The following FOLH1 variants were observed in gnomAD, a reference collection of about 807,000 sequenced individuals.
The protein encoded by FOLH1 is folate hydrolase 1.
A neutral mutation model predicts 93.9 loss-of-function variants in FOLH1; 54 were observed. The ratio of observed to expected loss-of-function variants is 0.57; its 90% confidence interval spans 0.46 to 0.72. The LOEUF (loss-of-function observed/expected upper bound fraction) is 0.72. FOLH1 is among the 30% of genes least tolerant of loss of function. The probability of loss-of-function intolerance (pLI) is 0.00; values close to 1 mark genes in which losing one functional copy is unlikely to be tolerated. For synonymous variants in FOLH1, 249 were observed against 303.6 expected (o/e 0.82, Z 1.87); for missense variants, 571 against 892.5 (o/e 0.64, Z 4.59).
At chr11:49,202,641 C>G (rs1371638538) in intron 2 of FOLH1, among the ~76,000 whole-genome samples, 1 of 152,178 alleles carries the variant, frequency 6.6e-6, no homozygotes, top group Non-Finnish European at 1.5e-5. Context: ...CCACTATGCC[C>G]GAATACATTA....
rs754980946 is a variant in FOLH1, at chr11:49,192,899, A to G, written c.412-5T>C. ...AAATAATGATGTGTTGAAAATCTAG[A>G]GAAACAAAATATTATAATCAAAATA... On this transcript the variant is annotated splice_polypyrimidine_tract_variant and splice_region_variant and intron_variant, in intron 3 of 18. Transcript: ENST00000256999. 68 of 1,571,612 alleles carry G rather than the reference A, an allele frequency of 4.3e-5. 1 individual carries two copies. Among genetic ancestry groups the G allele is most frequent in the Middle Eastern group, 3.4e-4 (2 of 5,868 alleles).
At chr11:49,197,596 T>C (rs949107306) in intron 3 of FOLH1, among the ~76,000 whole-genome samples, 4 of 152,182 alleles carry the variant, frequency 2.6e-5, no homozygotes, top group African/African-American at 9.6e-5. Context: ...ACTAATCATA[T>C]TTGTTGCCTA....
chr11:49,179,533 C>T (rs1230228777), intron 7 of FOLH1, among the ~76,000 whole-genome samples: 2 of 151,982 alleles, frequency 1.3e-5, no homozygotes, highest in Non-Finnish European at 2.9e-5. Flanking sequence ...CTTGCAAATA[C>T]AATTTAAAAA....
At chr11:49,179,653 T>C (rs1311096334) in intron 7 of FOLH1, among the ~76,000 whole-genome samples, 2 of 151,592 alleles carry the variant, frequency 1.3e-5, no homozygotes, top group Non-Finnish European at 2.9e-5. Flanking sequence ...ATAGAAAGAA[T>C]CTCAAATCAT....
intron 3 of FOLH1, among the ~76,000 whole-genome samples, chr11:49,196,241 A>G (rs1233402435): frequency 1.3e-5 from 2 of 152,218 alleles, no homozygotes; most frequent in East Asian, 1.9e-4. Context: ...TAAAATTATC[A>G]TATGACAAAC....
chr11:49,187,924 C>T (rs1193055606), intron 4 of FOLH1, among the ~76,000 whole-genome samples: 1 of 152,176 alleles, frequency 6.6e-6, no homozygotes, highest in Non-Finnish European at 1.5e-5. Flanking sequence ...GAAACTATTC[C>T]AGACCTCCTT....
At chr11:49,156,572 GT>G (rs1857061415) in intron 15 of FOLH1, 144 bp downstream of exon 15, 1 of 970,480 alleles carries the variant, frequency 1.0e-6, no homozygotes, top group African/African-American at 1.6e-5. Flanking sequence ...CTACGTAGTA[GT>G]GATACTGTCA....
At chr11:49,148,285 A>T (rs1352515427) in intron 18 of FOLH1, among the ~76,000 whole-genome samples, 1 of 151,214 alleles carries the variant, frequency 6.6e-6, no homozygotes, top group Non-Finnish European at 1.5e-5. Context: ...AAATATATTT[A>T]AAATAGAAAA....
intron 7 of FOLH1, among the ~76,000 whole-genome samples, chr11:49,181,543 ATCACT>A (rs1272466135): frequency 3.9e-5 from 6 of 152,166 alleles, no homozygotes; most frequent in South Asian, 2.1e-4. Context: ...ATATCTTTTA[ATCACT>A]TCATTTACTA....
At chr11:49,147,543 T>A (rs899003703) in intron 18 of FOLH1, among the ~76,000 whole-genome samples, 1 of 152,074 alleles carries the variant, frequency 6.6e-6, no homozygotes, top group East Asian at 1.9e-4. Context: ...TAATGTTCCA[T>A]GTGACCAAGG....
intron 13 of FOLH1, among the ~76,000 whole-genome samples, chr11:49,159,842 T>C (rs1857478215): frequency 6.6e-6 from 1 of 152,180 alleles, no homozygotes; most frequent in South Asian, 2.1e-4. Flanking sequence ...TCAATTTCTT[T>C]CTGGTTCAGC....
intron 3 of FOLH1, among the ~76,000 whole-genome samples, chr11:49,197,992 T>TA (rs1357357031): frequency 2.6e-5 from 4 of 152,002 alleles, no homozygotes; most frequent in Non-Finnish European, 5.9e-5. Context: ...GATATAAATT[T>TA]AAAAAATTAA....
At chr11:49,149,993 T>C (rs1856302905) in intron 17 of FOLH1, among the ~76,000 whole-genome samples, 1 of 152,196 alleles carries the variant, frequency 6.6e-6, no homozygotes, top group Non-Finnish European at 1.5e-5. Context: ...TCTTGCTCTG[T>C]TGCGCAGGCT....
At chr11:49,203,147 A>G (rs1342502236) in intron 2 of FOLH1, among the ~76,000 whole-genome samples, 1 of 151,896 alleles carries the variant, frequency 6.6e-6, no homozygotes, top group Non-Finnish European at 1.5e-5. Context: ...ATTCAAATAC[A>G]GACCTATGTA....
chr11:49,206,629 A>G (rs1863999608), intron 1 of FOLH1: 1 of 650,470 alleles, frequency 1.5e-6, no homozygotes, highest in Non-Finnish European at 2.5e-6. Context: ...TTTCAAATAA[A>G]TAAATTATTT....
At chr11:49,166,011 A>T (rs979642790) in intron 12 of FOLH1, among the ~76,000 whole-genome samples, 1 of 152,188 alleles carries the variant, frequency 6.6e-6, no homozygotes, top group Non-Finnish European at 1.5e-5. Flanking sequence ...CATTATACCA[A>T]AAAAGCATGC....
rs755970860 is a variant in FOLH1, at chr11:49,146,072, GATAA to G, written c.*680_*683del. Among the ~76,000 whole-genome samples, 23 of 152,230 alleles carry G rather than the reference GATAA, an allele frequency of 1.5e-4. No homozygotes were observed. In the East Asian group the frequency reaches 2.9e-3, roughly 19 times the overall value. Reference sequence around the variant, plus strand: ...AAATTATAAATAATGACAGAGGAAAGATAAATAAACATAAAATTCAAGAAAATGC... The same window carrying G: ...AAATTATAAATAATGACAGAGGAAAGATAAACATAAAATTCAAGAAAATGC... On this transcript the variant is annotated 3_prime_UTR_variant, in exon 19 of 19. Transcript: ENST00000256999.
At chr11:49,178,074 G>A (rs1203311044) in intron 7 of FOLH1, among the ~76,000 whole-genome samples, 20 of 152,074 alleles carry the variant, frequency 1.3e-4, no homozygotes, top group Non-Finnish European at 1.5e-5. Flanking sequence ...AGAGAAATGA[G>A]CACTATGACG....
chr11:49,197,261 T>G (rs929610973), intron 3 of FOLH1, among the ~76,000 whole-genome samples: 13 of 152,342 alleles, frequency 8.5e-5, no homozygotes, highest in African/African-American at 3.1e-4. Context: ...TATGCCACAC[T>G]GAATTTTACA....
Sources: allele counts gnomAD v4.1 joint callset (sites outside exome capture counted in the v4.1 genomes callset), GRCh38; gene constraint gnomAD v4.1.1; transcripts MANE v1.5; gene names NCBI Gene and HGNC (gene_info 2026-07-23, HGNC 2026-07-21).